ARFIP1: variants seen among roughly 807,000 people sequenced by gnomAD.
The protein encoded by ARFIP1 is arfaptin-1.
A neutral mutation model predicts 42.5 loss-of-function variants in ARFIP1; 24 were observed. The observed-to-expected ratio is 0.57, with a 90% CI of 0.41 to 0.80. ARFIP1 has a LOEUF of 0.80. ARFIP1 is among the 30% of genes least tolerant of loss of function. The probability of loss-of-function intolerance (pLI) is 0.00; values close to 1 mark genes in which losing one functional copy is unlikely to be tolerated. For missense variants in ARFIP1, 354 were observed against 434.0 expected (o/e 0.82, Z 1.64); for synonymous variants, 141 against 153.7 (o/e 0.92, Z 0.61).
intron 1 of ARFIP1, among the ~76,000 whole-genome samples, chr4:152,781,654 G>A (rs1350676085): frequency 3.3e-5 from 5 of 152,082 alleles, no homozygotes; most frequent in Non-Finnish European, 7.4e-5. Flanking sequence ...TGTTTTCCTT[G>A]CTTAGCATGA....
chr4:152,907,694 C>T (rs7657160), intron 8 of ARFIP1, among the ~76,000 whole-genome samples: 57,680 of 151,994 alleles, frequency 0.38, 11,996 homozygotes, highest in Admixed American at 0.49. Flanking sequence ...GAGTTTCATC[C>T]ATAGTGATGC....
intron 2 of ARFIP1, among the ~76,000 whole-genome samples, chr4:152,852,278 G>A (rs1268619610): frequency 6.6e-6 from 1 of 152,184 alleles, no homozygotes; most frequent in African/African-American, 2.4e-5. Context: ...AAATTCAGTA[G>A]CAGATACTTT....
At chr4:152,903,183 T>C (rs564120112) in intron 8 of ARFIP1, among the ~76,000 whole-genome samples, 12 of 152,276 alleles carry the variant, frequency 7.9e-5, no homozygotes, top group South Asian at 2.1e-4. Flanking sequence ...TAATAAAAAA[T>C]AGGCAGAAAA....
chr4:152,862,884 CTAATCAT>C (rs1448416237), intron 2 of ARFIP1, among the ~76,000 whole-genome samples: 1 of 151,996 alleles, frequency 6.6e-6, no homozygotes, highest in Non-Finnish European at 1.5e-5. Flanking sequence ...GCCTTTTTGC[CTAATCAT>C]TACTTAAGCC....
intron 5 of ARFIP1, 60 bp from the exon 6 acceptor site, chr4:152,880,903 C>G: frequency 7.3e-7 from 1 of 1,374,658 alleles, no homozygotes; most frequent in Non-Finnish European, 1.0e-6. Flanking sequence ...GCCATATGCT[C>G]TAGCATTTAT....
At chr4:152,880,908 A>T (rs80127385) in intron 5 of ARFIP1, 55 bp from the exon 6 acceptor site, 3 of 1,420,518 alleles carry the variant, frequency 2.1e-6, no homozygotes. Flanking sequence ...ATGCTCTAGC[A>T]TTTATATTTT....
chr4:152,898,961 T>C (rs193179681), intron 8 of ARFIP1, among the ~76,000 whole-genome samples: 2 of 152,324 alleles, frequency 1.3e-5, no homozygotes, highest in Non-Finnish European at 2.9e-5. Context: ...GGATGGGCCA[T>C]TGGTTTGACT....
At chr4:152,861,737 CT>C (rs1232794163) in intron 2 of ARFIP1, among the ~76,000 whole-genome samples, 1 of 152,142 alleles carries the variant, frequency 6.6e-6, no homozygotes, top group African/African-American at 2.4e-5. Flanking sequence ...TGGAAATTAA[CT>C]TCTGAAAGGG....
At chr4:152,860,680 G>A (rs1733818301) in intron 2 of ARFIP1, among the ~76,000 whole-genome samples, 1 of 152,194 alleles carries the variant, frequency 6.6e-6, no homozygotes, top group Non-Finnish European at 1.5e-5. Flanking sequence ...GGATAAAGGA[G>A]CCATTCCCAG....
chr4:152,781,041 CATTATT>C (rs753733042), intron 1 of ARFIP1, among the ~76,000 whole-genome samples: 1 of 152,048 alleles, frequency 6.6e-6, no homozygotes, highest in Non-Finnish European at 1.5e-5. Context: ...CATCTAACTA[CATTATT>C]ATTTGATAAG....
At chr4:152,905,511 T>TTGG (rs1738242851) in intron 8 of ARFIP1, among the ~76,000 whole-genome samples, 1 of 151,408 alleles carries the variant, frequency 6.6e-6, no homozygotes, top group Non-Finnish European at 1.5e-5. Flanking sequence ...TACCTGCTTT[T>TTGG]TGGTTAGGTT....
At chr4:152,789,181 C>T (rs980351924) in intron 1 of ARFIP1, among the ~76,000 whole-genome samples, 2 of 149,488 alleles carry the variant, frequency 1.3e-5, no homozygotes, top group African/African-American at 5.0e-5. Context: ...ACCTCCACCT[C>T]CTGGGTTCAA....
rs1678368153 is a variant in ARFIP1, at chr4:152,835,231, C to CT, written c.93+5508dup. Among the ~76,000 whole-genome samples the CT allele has an allele frequency of 3.3e-5, 5 of 152,206 alleles. No individual in the cohort carries two copies. The South Asian group carries it at 1.0e-3, about 31-fold the overall frequency. ...AAATTTTCCAAACTTTTATGCTCTG[C>CT]TTTCCTTTTAAATATAAGTTCCAAC... On this transcript the variant is annotated intron_variant, in intron 2 of 8. Transcript: ENST00000353617.
chr4:152,843,297 T>G (rs1464733456), intron 2 of ARFIP1, among the ~76,000 whole-genome samples: 1 of 152,142 alleles, frequency 6.6e-6, no homozygotes, highest in East Asian at 1.9e-4. Context: ...AGCCATGGAT[T>G]CCAGCACCTA....
rs754694888 is a variant in ARFIP1 at position 152,882,783 on chromosome 4, C to G, written c.694C>G (p.Leu232Val). ...KLLAKNGETL[L>V]GAINFFIASV... ...GCTGGCTAAAAATGGAGAGACTCTT[C>G]TTGGGGCCATTAATTTTTTCATTGC... The change falls in exon 7 of 9, where the codon CTT becomes GTT. Residue 232 changes from leucine (L) to valine (V), a missense_variant. Physicochemically the swap from Leu to Val is conservative, Grantham distance 32 (BLOSUM62 1). Coordinates refer to ENST00000353617, the MANE Select transcript of ARFIP1 (RefSeq NM_001025595.3). The G allele has an allele frequency of 1.4e-5, 23 of 1,613,122 alleles. 1 individual carries two copies. The highest frequency in any genetic ancestry group is 1.9e-5 in the Non-Finnish European group (22 of 1,179,550).
chr4:152,841,100 A>G, intron 2 of ARFIP1, among the ~76,000 whole-genome samples: 1 of 150,674 alleles, frequency 6.6e-6, no homozygotes, highest in Non-Finnish European at 1.5e-5. Flanking sequence ...CAGTGGCGTG[A>G]TCTCGGCTCA....
intron 3 of ARFIP1, among the ~76,000 whole-genome samples, chr4:152,869,920 A>G (rs917943269): frequency 2.6e-5 from 4 of 152,196 alleles, no homozygotes; most frequent in Non-Finnish European, 4.4e-5. Flanking sequence ...GTGTTTGAGA[A>G]TCATCTTGAG....
At chr4:152,790,072 C>T (rs1003113916) in intron 1 of ARFIP1, among the ~76,000 whole-genome samples, 1 of 152,094 alleles carries the variant, frequency 6.6e-6, no homozygotes, top group Non-Finnish European at 1.5e-5. Context: ...TATGTGTGTA[C>T]ACTAACTCAT....
chr4:152,826,296 T>G (rs906592723), intron 1 of ARFIP1, among the ~76,000 whole-genome samples: 2 of 152,058 alleles, frequency 1.3e-5, no homozygotes, highest in Admixed American at 6.6e-5. Context: ...CAAAAAAGAA[T>G]GAAATAATAT....
Sources: allele counts gnomAD v4.1 joint callset (sites outside exome capture counted in the v4.1 genomes callset), GRCh38; gene constraint gnomAD v4.1.1; transcripts MANE v1.5; gene names NCBI Gene and HGNC (gene_info 2026-07-23, HGNC 2026-07-21).